Variants in SYNPO observed in about 807,000 individuals in gnomAD.
SYNPO encodes the protein synaptopodin.
SYNPO carries 19 observed loss-of-function variants against 49.5 expected under a neutral mutation model. That is an observed-to-expected ratio of 0.38 (90% CI 0.27 to 0.56). The LOEUF is 0.56. Ranked by LOEUF, SYNPO falls within the 20% of genes least tolerant of loss-of-function variation. SYNPO has a pLI of 0.68. For missense variants in SYNPO, 1,131 were observed against 1,248.3 expected (o/e 0.91, Z 1.42); for synonymous variants, 536 against 548.0 (o/e 0.98, Z 0.31).
chr5:150,618,585 C>G, exon 2 of SYNPO: 1 of 1,551,286 alleles, frequency 6.4e-7, no homozygotes, highest in African/African-American at 1.4e-5. Context: ...TGCAGAGTCA[C>G]CCAGGGGACA....
At chr5:150,588,678 G>C in the SYNPO span, among the ~76,000 whole-genome samples, 1 of 152,006 alleles carries the variant, frequency 6.6e-6, no homozygotes, top group Non-Finnish European at 1.5e-5. Flanking sequence ...GGGCAGGGGA[G>C]AGAAGAGGAG....
At chr5:150,615,540 C>A (rs1385357401) in intron 1 of SYNPO, among the ~76,000 whole-genome samples, 3 of 152,216 alleles carry the variant, frequency 2.0e-5, no homozygotes, top group Non-Finnish European at 2.9e-5. Context: ...CACAGTTGGA[C>A]GGATCCTCCA....
chr5:150,622,370 C>T (rs930643613), intron 2 of SYNPO, among the ~76,000 whole-genome samples: 8 of 152,208 alleles, frequency 5.3e-5, no homozygotes, highest in Non-Finnish European at 7.3e-5. Context: ...CTTCCACCCA[C>T]CTGGGGCTGG....
chr5:150,649,721 G>A lies in SYNPO; in HGVS notation c.1446G>A (p.Glu482=), dbSNP rs1758280991. 1 of 1,612,426 alleles carries A rather than the reference G, an allele frequency of 6.2e-7. No individual in the cohort carries two copies. Among genetic ancestry groups the A allele is most frequent in the South Asian group, 1.1e-5 (1 of 91,090 alleles). ...NLSEASGKGA[E]LYARRQSRME... ...CCGAGGCCTCTGGGAAGGGAGCTGA[G>A]CTCTACGCCCGCCGCCAGTCACGGA... Residue 482 remains glutamate (E), a synonymous_variant, in exon 2 of 3, where the codon GAG becomes GAA. Coordinates refer to ENST00000307662, the MANE Select transcript of SYNPO (RefSeq NM_007286.6).
At chr5:150,620,540 A>G (rs891705325) in intron 2 of SYNPO, among the ~76,000 whole-genome samples, 1 of 152,254 alleles carries the variant, frequency 6.6e-6, no homozygotes, top group Non-Finnish European at 1.5e-5. Context: ...TTTTTTGAAC[A>G]CGAGGCTTGT....
At chr5:150,650,382 C>T in intron 2 of SYNPO, 79 bp downstream of exon 2, 1 of 1,587,704 alleles carries the variant, frequency 6.3e-7, no homozygotes, top group Non-Finnish European at 8.6e-7. Flanking sequence ...TCCTTGAGGG[C>T]CAGATGGAGA....
intron 1 of SYNPO, among the ~76,000 whole-genome samples, chr5:150,642,619 G>T (rs555446258): frequency 1.3e-4 from 19 of 151,736 alleles, no homozygotes; most frequent in African/African-American, 4.6e-4. Context: ...AGATGGAGTT[G>T]CCCCCTGGTG....
chr5:150,650,691 AGG>A, intron 2 of SYNPO: 1 of 1,395,390 alleles, frequency 7.2e-7, no homozygotes, highest in Non-Finnish European at 9.3e-7. Context: ...GTGGCCTAGA[AGG>A]GGATCCTAAC....
At chr5:150,612,855 C>T (rs2151355774) in intron 1 of SYNPO, among the ~76,000 whole-genome samples, 1 of 152,322 alleles carries the variant, frequency 6.6e-6, no homozygotes, top group Middle Eastern at 3.4e-3. Context: ...TCATGGCTCA[C>T]TGCAGCCTTG....
chr5:150,656,546 C>T lies in SYNPO; in HGVS notation c.2171C>T (p.Pro724Leu). ...ATGAGCAGCCCCCCGCCGCTGCCGC[C>T]GCCACCGCCCATGTCTCCCTCGTGG... ...SSMSSPPPLP[P>L]PPPMSPSWSE... Residue 724 changes from proline to leucine, a missense_variant, in exon 3 of 3, where the codon CCG becomes CTG. Pro to Leu is a moderately conservative substitution (Grantham distance 98). This residue lies in a region of SYNPO where 509 missense variants were observed against 484.5 expected (regional missense o/e 1.05). Transcript: ENST00000307662. 6.5e-7 allele frequency: 1 copy of T among 1,528,200 alleles called. No homozygotes were observed. Among genetic ancestry groups the T allele is most frequent in the Non-Finnish European group, 8.7e-7 (1 of 1,143,946 alleles). The allele number at this position is 1,528,200 out of a possible 1,614,324, so 94.7% of individuals were successfully genotyped here. A position where few individuals can be genotyped will look rare whatever the true frequency, so the allele number is the denominator to read the frequency against.
At chr5:150,620,945 C>CTTT (rs371807638) in intron 2 of SYNPO, among the ~76,000 whole-genome samples, 2 of 64,796 alleles carry the variant, frequency 3.1e-5, no homozygotes, top group African/African-American at 6.2e-5. Flanking sequence ...TTCTTTCTTT[C>CTTT]TTTTCTTTTC....
At chr5:150,628,036 C>CTGTG (rs3062926) in intron 2 of SYNPO, among the ~76,000 whole-genome samples, 2,759 of 141,972 alleles carry the variant, frequency 0.019, 24 homozygotes, top group Admixed American at 0.033. Context: ...GTGTGTGTTT[C>CTGTG]TGTGTGTGTG....
At chr5:150,618,280 G>A (rs1215846927) in exon 2 of SYNPO, 2 of 1,434,508 alleles carry the variant, frequency 1.4e-6, no homozygotes, top group Non-Finnish European at 1.9e-6. Flanking sequence ...AAGGAGCAGA[G>A]ACCAGGGCTC....
At chr5:150,595,813 C>A in the SYNPO span, among the ~76,000 whole-genome samples, 1 of 150,212 alleles carries the variant, frequency 6.7e-6, no homozygotes, top group Non-Finnish European at 1.5e-5. Flanking sequence ...CCACTCCCCC[C>A]TCATTTCCTC....
intron 2 of SYNPO, chr5:150,651,480 AGAAAG>A: frequency 2.0e-6 from 2 of 1,000,708 alleles, no homozygotes; most frequent in Non-Finnish European, 2.4e-6. Context: ...GGGAAGAAAG[AGAAAG>A]GAAATGGGCT....
At chr5:150,646,154 AC>A (rs1240552599) in intron 1 of SYNPO, among the ~76,000 whole-genome samples, 2 of 146,458 alleles carry the variant, frequency 1.4e-5, no homozygotes, top group African/African-American at 5.2e-5. Flanking sequence ...ACACAGGGAG[AC>A]CCCTTCTCTA....
intron 2 of SYNPO, chr5:150,653,887 T>C (rs1758473361): frequency 6.6e-6 from 1 of 152,234 alleles, no homozygotes; most frequent in South Asian, 2.1e-4. Context: ...AGCATTAGTA[T>C]CCCATGAAAA....
intron 2 of SYNPO, among the ~76,000 whole-genome samples, chr5:150,629,959 C>G (rs909065546): frequency 6.6e-6 from 1 of 152,048 alleles, no homozygotes; most frequent in Admixed American, 6.6e-5. Context: ...GATGGAGTGC[C>G]AGGGGCTCAG....
intron 2 of SYNPO, chr5:150,652,346 G>T: frequency 3.0e-6 from 3 of 988,746 alleles, no homozygotes; most frequent in Non-Finnish European, 3.6e-6. Context: ...AATCCGTCTT[G>T]CTTCTTTCTT....
Sources: allele counts gnomAD v4.1 joint callset (sites outside exome capture counted in the v4.1 genomes callset), GRCh38; gene constraint gnomAD v4.1.1; regional missense constraint gnomAD v4.1.1; transcripts MANE v1.5; gene names NCBI Gene and HGNC (gene_info 2026-07-23, HGNC 2026-07-21).